The following SEC31A variants were observed in gnomAD, a reference collection of about 807,000 sequenced individuals.
The protein encoded by SEC31A is protein transport protein Sec31A.
SEC31A carries 70 observed loss-of-function variants against 151.0 expected under a neutral mutation model. The observed-to-expected ratio is 0.46, with a 90% confidence interval of 0.38 to 0.57. SEC31A has a LOEUF of 0.57. Among genes scored for constraint, SEC31A ranks in the 20% least tolerant of loss-of-function variants. The pLI, the probability that SEC31A is intolerant of heterozygous loss-of-function variation, is 0.00. For synonymous variants in SEC31A, 475 were observed against 505.9 expected, an observed-to-expected ratio of 0.94 and a Z score of 0.82; for missense variants, 1,330 against 1,471.2, an observed-to-expected ratio of 0.90 and a Z score of 1.57.
rs373008431 is a variant in SEC31A at position 82,867,230 on chromosome 4, C to T, written c.969G>A (p.Ser323=). Reference sequence around the variant, plus strand: ...AATAAACACTGATACGCCCATCAAACGAAGCAGCTGATAAGACAGCAGGAT... The same window carrying T: ...AATAAACACTGATACGCCCATCAAATGAAGCAGCTGATAAGACAGCAGGAT... The part of the protein sequence containing the change: ...PRNPAVLSAA[S]FDGRISVYSI... Residue 323 remains serine, a synonymous_variant, in exon 9 of 27, where the codon TCG becomes TCA. Transcript: ENST00000395310. 14 of 1,613,832 alleles carry T rather than the reference C, an allele frequency of 8.7e-6. No homozygotes were observed. The highest frequency in any genetic ancestry group is 6.7e-5 in the Admixed American group (4 of 59,988).
At chr4:82,869,640 T>G (rs1415874076) in intron 8 of SEC31A, among the ~76,000 whole-genome samples, 1 of 152,120 alleles carries the variant, frequency 6.6e-6, no homozygotes, top group Non-Finnish European at 1.5e-5. Flanking sequence ...ACAAATGATA[T>G]GCGGTAAAAT....
chr4:82,873,948 T>G (rs1005754414), intron 6 of SEC31A, among the ~76,000 whole-genome samples: 1 of 152,148 alleles, frequency 6.6e-6, no homozygotes, highest in African/African-American at 2.4e-5. Flanking sequence ...TTCACAGTGA[T>G]GAAGCTTCCA....
chr4:82,850,268 A>T (rs973242767), intron 19 of SEC31A, among the ~76,000 whole-genome samples: 1 of 152,174 alleles, frequency 6.6e-6, no homozygotes, highest in Non-Finnish European at 1.5e-5. Context: ...CTATTTACTT[A>T]TAACTTTTTA....
At chr4:82,880,459 T>G (rs1344280928) in intron 3 of SEC31A, among the ~76,000 whole-genome samples, 1 of 151,006 alleles carries the variant, frequency 6.6e-6, no homozygotes, top group Non-Finnish European at 1.5e-5. Flanking sequence ...CAAGGTGGTG[T>G]GCACCTGTAA....
At chr4:82,882,891 T>C (rs1043284307) in intron 1 of SEC31A, among the ~76,000 whole-genome samples, 2 of 152,156 alleles carry the variant, frequency 1.3e-5, no homozygotes, top group Non-Finnish European at 2.9e-5. Flanking sequence ...GACGAGGCAG[T>C]TGGATCACTT....
chr4:82,824,713 G>C (rs750645176), intron 24 of SEC31A, 39 bp from the exon 25 acceptor site: 1 of 1,602,778 alleles, frequency 6.2e-7, no homozygotes, highest in South Asian at 1.1e-5. Flanking sequence ...GAAATGACCA[G>C]AAGCTACCTT....
chr4:82,886,544 C>T (rs1323359954), intron 1 of SEC31A, among the ~76,000 whole-genome samples: 1 of 152,160 alleles, frequency 6.6e-6, no homozygotes, highest in Admixed American at 6.5e-5. Context: ...AAGAAAACTT[C>T]AGGGTTATTT....
chr4:82,899,189 C>T (rs1013872530), intron 3 of SEC31A, among the ~76,000 whole-genome samples: 2 of 152,114 alleles, frequency 1.3e-5, no homozygotes, highest in African/African-American at 2.4e-5. Flanking sequence ...TTAGTGTTTG[C>T]TGAGCGGGGT....
intron 1 of SEC31A, among the ~76,000 whole-genome samples, chr4:82,884,779 G>A (rs138168723): frequency 2.7e-4 from 41 of 152,204 alleles, no homozygotes; most frequent in African/African-American, 9.4e-4. Context: ...TAGAAAGAAG[G>A]GGTGCTCTCT....
intron 25 of SEC31A, among the ~76,000 whole-genome samples, chr4:82,822,580 T>TA: frequency 6.6e-6 from 1 of 152,310 alleles, no homozygotes; most frequent in East Asian, 1.9e-4. Flanking sequence ...TTGTGCTGTT[T>TA]AGACATAAAG....
chr4:82,841,865 G>A (rs1391666893), intron 22 of SEC31A, among the ~76,000 whole-genome samples: 3 of 149,782 alleles, frequency 2.0e-5, no homozygotes, highest in African/African-American at 7.4e-5. Context: ...CCAGCTACTC[G>A]GGAGGCTGAG....
rs1722738039 is a variant in SEC31A at position 82,818,710 on chromosome 4, TGAAA to T, written c.*360_*363del. On this transcript the variant is annotated 3_prime_UTR_variant, in exon 27 of 27. Coordinates refer to ENST00000395310, the MANE Select transcript of SEC31A (RefSeq NM_001077207.4). The stretch of plus-strand genomic sequence containing the variant: ...TGACACTGAGGAAGTAGGGAGGACA[TGAAA>T]GAAATTTAGTTTTAGCTCTGCTTTA... 6.2e-6 allele frequency: 1 copy of T among 160,402 alleles called. No individual in the cohort carries two copies. The allele number at this position is 160,402 out of a possible 1,614,324, so 9.9% of individuals were successfully genotyped here.
chr4:82,837,097 A>T (rs1219343059), intron 22 of SEC31A, among the ~76,000 whole-genome samples: 2 of 147,162 alleles, frequency 1.4e-5, no homozygotes, highest in African/African-American at 5.0e-5. Flanking sequence ...GTTGCAAAAC[A>T]ATATAAATGT....
chr4:82,867,166 G>C lies in SEC31A; in HGVS notation c.1033C>G (p.Gln345Glu), dbSNP rs142883890. The change falls in exon 9 of 27, where the codon CAA becomes GAA. Residue 345 changes from glutamine (Q) to glutamate (E), a missense_variant. By Grantham distance (29) the Gln-to-Glu change is conservative. Transcript: ENST00000395310. ...ACACTTCCTATTACCTTGTCAACTT[G>C]TTTCTGTCTTAAACCATCTGTGCTA... Reference protein sequence around the residue: ...GGSTDGLRQKQVDKLSSSFGN... With the variant: ...GGSTDGLRQKEVDKLSSSFGN... The C allele has an allele frequency of 5.6e-4, 903 of 1,613,016 alleles. No homozygotes were observed. Among genetic ancestry groups the C allele is most frequent in the Non-Finnish European group, 7.1e-4 (838 of 1,179,282 alleles).
chr4:82,891,526 C>T (rs955053709), upstream of SEC31A, among the ~76,000 whole-genome samples: 6 of 152,302 alleles, frequency 3.9e-5, no homozygotes, highest in Non-Finnish European at 5.9e-5. Context: ...TCCTGTGAGG[C>T]GTCGGCAGCC....
At chr4:82,825,007 G>A (rs1724219405) in intron 24 of SEC31A, among the ~76,000 whole-genome samples, 1 of 152,192 alleles carries the variant, frequency 6.6e-6, no homozygotes, top group Non-Finnish European at 1.5e-5. Flanking sequence ...ACAAGGCACT[G>A]GAAAACACAC....
chr4:82,862,815 A>G (rs1469855294), intron 12 of SEC31A, among the ~76,000 whole-genome samples: 2 of 152,246 alleles, frequency 1.3e-5, no homozygotes, highest in Non-Finnish European at 2.9e-5. Context: ...TCAGGCATGC[A>G]AGTAAAACTT....
intron 20 of SEC31A, among the ~76,000 whole-genome samples, chr4:82,847,150 A>T (rs1348596755): frequency 6.6e-6 from 1 of 152,226 alleles, no homozygotes; most frequent in Admixed American, 6.5e-5. Flanking sequence ...TGGGGAGTGA[A>T]GTCATAGATT....
intron 8 of SEC31A, among the ~76,000 whole-genome samples, chr4:82,869,457 A>G (rs1736168088): frequency 6.6e-6 from 1 of 152,116 alleles, no homozygotes; most frequent in African/African-American, 2.4e-5. Flanking sequence ...TAGTTGTAGC[A>G]TGTACTAAAA....
Sources: gnomAD v4.1 joint callset for allele counts (sites outside exome capture counted in the v4.1 genomes callset) on GRCh38, gnomAD v4.1.1 for gene constraint, MANE v1.5 for transcripts, NCBI Gene and HGNC (gene_info 2026-07-23, HGNC 2026-07-21) for gene names.